The following CNNM2 variants were observed in gnomAD, a reference collection of about 807,000 sequenced individuals.
The protein encoded by CNNM2 is metal transporter CNNM2.
CNNM2 carries 12 observed loss-of-function variants against 66.9 expected under a neutral mutation model. The observed-to-expected ratio is 0.18, with a 90% CI of 0.11 to 0.29. The LOEUF (loss-of-function observed/expected upper bound fraction) is 0.29, where lower values mean the gene tolerates loss of function less well. CNNM2 is among the 10% of genes least tolerant of loss of function. The pLI, the probability that CNNM2 is intolerant of heterozygous loss-of-function variation, is 1.00. For synonymous variants in CNNM2, 557 were observed against 501.8 expected (o/e 1.11, Z -1.47); for missense variants, 705 against 1,167.7 (o/e 0.60, Z 5.77).
At chr10:102,927,589 C>T (rs1400313957) in intron 1 of CNNM2, 3 of 795,978 alleles carry the variant, frequency 3.8e-6, no homozygotes, top group Non-Finnish European at 5.6e-6. Context: ...ATGGTGAAAC[C>T]CCGTTTCTAA....
intron 1 of CNNM2, among the ~76,000 whole-genome samples, chr10:102,929,815 G>A (rs1472920882): frequency 1.3e-5 from 2 of 152,178 alleles, no homozygotes; most frequent in African/African-American, 4.8e-5. Context: ...AGTGCTTGTG[G>A]ATTTTGGAAG....
chr10:102,978,318 T>TG (rs1049235283), intron 1 of CNNM2, among the ~76,000 whole-genome samples: 7 of 152,034 alleles, frequency 4.6e-5, no homozygotes, highest in African/African-American at 1.7e-4. Context: ...AATCTATACT[T>TG]GCTGCCATCA....
chr10:103,074,655 A>G (rs1319643081), intron 6 of CNNM2, among the ~76,000 whole-genome samples: 1 of 151,936 alleles, frequency 6.6e-6, no homozygotes, highest in Non-Finnish European at 1.5e-5. Context: ...CAACATGGCA[A>G]AAACCCCATC....
At chr10:102,944,084 CTTT>C (rs199757273) in intron 1 of CNNM2, among the ~76,000 whole-genome samples, 6 of 135,254 alleles carry the variant, frequency 4.4e-5, no homozygotes, top group Admixed American at 7.7e-5. Context: ...TTTCATAATT[CTTT>C]TTTTTTTTTT....
intron 1 of CNNM2, among the ~76,000 whole-genome samples, chr10:102,926,688 G>A (rs1015451412): frequency 6.6e-6 from 1 of 151,544 alleles, no homozygotes; most frequent in Non-Finnish European, 1.5e-5. Context: ...TGGGACCACA[G>A]GCGTGTGCCA....
intron 1 of CNNM2, among the ~76,000 whole-genome samples, chr10:103,038,271 A>G (rs773292631): frequency 3.9e-5 from 6 of 152,190 alleles, no homozygotes; most frequent in Non-Finnish European, 7.3e-5. Flanking sequence ...GTTTTTCTCA[A>G]TGTATAATAT....
chr10:103,045,382 G>C (rs1241621962), intron 1 of CNNM2, among the ~76,000 whole-genome samples: 2 of 152,214 alleles, frequency 1.3e-5, no homozygotes, highest in East Asian at 3.9e-4. Flanking sequence ...TGCCTAGAAG[G>C]GGGTCTGAGG....
At chr10:102,927,329 T>G (rs924401436) in intron 1 of CNNM2, 1 of 1,613,654 alleles carries the variant, frequency 6.2e-7, no homozygotes, top group African/African-American at 1.3e-5. Context: ...TTTTCATCTC[T>G]TTTTGTTTTT....
chr10:103,009,207 G>A (rs747140230), intron 1 of CNNM2, among the ~76,000 whole-genome samples: 139 of 152,084 alleles, frequency 9.1e-4, no homozygotes, highest in Non-Finnish European at 1.5e-3. Flanking sequence ...ACCAGGAGGC[G>A]GAGGTTGTGC....
At chr10:103,035,712 G>A (rs1294501260) in intron 1 of CNNM2, among the ~76,000 whole-genome samples, 1 of 152,174 alleles carries the variant, frequency 6.6e-6, no homozygotes, top group East Asian at 1.9e-4. Context: ...AAGAGAAAAG[G>A]AGTGGGTGGT....
chr10:103,021,248 G>C (rs1590407155), intron 1 of CNNM2, among the ~76,000 whole-genome samples: 1 of 152,250 alleles, frequency 6.6e-6, no homozygotes, highest in East Asian at 1.9e-4. Context: ...CAGCCTCCCT[G>C]ACGAAGGAGA....
At chr10:103,041,571 A>G (rs1033084376) in intron 1 of CNNM2, among the ~76,000 whole-genome samples, 1 of 152,150 alleles carries the variant, frequency 6.6e-6, no homozygotes, top group African/African-American at 2.4e-5. Context: ...GCTCGAGGGG[A>G]AAGCACACTA....
Position 102,990,832 on chromosome 10 carries a change from G to A in CNNM2, c.1622-58875G>A, listed in dbSNP as rs1272811998. ...CAGTGCCTTGAATGGTTGACGGTGT[G>A]GAACTTTAAAGATCTTTGTGTAAAT... On this transcript the variant is annotated intron_variant, in intron 1 of 7. Coordinates refer to ENST00000369878, the MANE Select transcript of CNNM2 (RefSeq NM_017649.5). 2.6e-5 allele frequency among the ~76,000 whole-genome samples: 4 copies of A among 152,180 alleles called. No individual in the cohort carries two copies. In the East Asian group the frequency reaches 7.7e-4, roughly 29 times the overall value.
intron 1 of CNNM2, among the ~76,000 whole-genome samples, chr10:103,022,877 G>A (rs2064615657): frequency 6.6e-6 from 1 of 151,994 alleles, no homozygotes; most frequent in African/African-American, 2.4e-5. Context: ...AAGAGAGAGA[G>A]CAAGAGAAAG....
At chr10:103,075,865 A>T (rs1375198058) in intron 6 of CNNM2, among the ~76,000 whole-genome samples, 1 of 152,184 alleles carries the variant, frequency 6.6e-6, no homozygotes, top group Non-Finnish European at 1.5e-5. Flanking sequence ...TCTGTCACAT[A>T]CACAGGGCCA....
intron 1 of CNNM2, among the ~76,000 whole-genome samples, chr10:102,990,977 T>G (rs558905035): frequency 6.6e-6 from 1 of 152,282 alleles, no homozygotes; most frequent in Non-Finnish European, 1.5e-5. Flanking sequence ...ACATTTTCCA[T>G]TGTGGCTGTA....
rs1205517969 is a variant in CNNM2, at chr10:103,001,135, A to G, written c.1622-48572A>G. Among the ~76,000 whole-genome samples, 3 of 152,166 alleles carry G rather than the reference A, an allele frequency of 2.0e-5. No individual in the cohort carries two copies. The East Asian group carries it at 5.8e-4, about 29-fold the overall frequency. ...CTTATATGAAGAACTTAGATTAGTCAAAATTATAGAGATAGAAAGTATTAG... is the reference window on the plus strand; with the variant it reads ...CTTATATGAAGAACTTAGATTAGTCGAAATTATAGAGATAGAAAGTATTAG... On this transcript the variant is annotated intron_variant, in intron 1 of 7. Transcript: ENST00000369878.
In CNNM2 at chr10:102,933,402, T is replaced by G. The variant is rs182044400; in HGVS notation, c.1621+13301T>G. Among the ~76,000 whole-genome samples, 50 of 152,362 alleles carry G rather than the reference T, an allele frequency of 3.3e-4. No homozygotes were observed. In the East Asian group the frequency reaches 9.1e-3, roughly 28 times the overall value. On this transcript the variant is annotated intron_variant, in intron 1 of 7. Coordinates refer to ENST00000369878, the MANE Select transcript of CNNM2 (RefSeq NM_017649.5). ...GATGCTATTATAAATGGAATTGTTT[T>G]ATTAATGTTATCTTCAGATTGTTCA...
intron 1 of CNNM2, among the ~76,000 whole-genome samples, chr10:103,010,761 C>A (rs544415979): frequency 6.6e-6 from 1 of 151,432 alleles, no homozygotes; most frequent in East Asian, 2.0e-4. Flanking sequence ...TATAGGCGCC[C>A]GCCACCATGC....
Sources: allele counts gnomAD v4.1 joint callset (sites outside exome capture counted in the v4.1 genomes callset), GRCh38; gene constraint gnomAD v4.1.1; transcripts MANE v1.5; gene names NCBI Gene and HGNC (gene_info 2026-07-23, HGNC 2026-07-21).